SLC39A6: variants seen among roughly 807,000 people sequenced by gnomAD.
The protein encoded by SLC39A6 is solute carrier family 39 member 6.
Under a neutral mutation model 63.5 loss-of-function variants are expected in SLC39A6, and 51 were observed. The ratio of observed to expected loss-of-function variants is 0.80; its 90% confidence interval spans 0.64 to 1.01. The LOEUF is 1.01. Among genes scored for constraint, SLC39A6 ranks in the 50% least tolerant of loss-of-function variants. SLC39A6 has a pLI of 0.00. For synonymous variants in SLC39A6, 318 were observed against 324.7 expected (o/e 0.98, Z 0.22); for missense variants, 805 against 927.8 (o/e 0.87, Z 1.72).
Position 36,124,791 on chromosome 18 carries a change from G to A in SLC39A6, c.790-91C>T, listed in dbSNP as rs75182434. On this transcript the variant is annotated intron_variant, in intron 2 of 9. Coordinates refer to ENST00000269187, the MANE Select transcript of SLC39A6 (RefSeq NM_012319.4). ...TACCCTTTTTTACTAATGCTACTTC[G>A]TTTTCTCGAGTTAATGAAAATTAAA... The A allele has an allele frequency of 7.3e-4, 721 of 992,880 alleles. 4 individuals are homozygous for A. In the African/African-American group the frequency reaches 0.01, roughly 14 times the overall value. The allele number at this position is 992,880 out of a possible 1,614,324, so 61.5% of individuals were successfully genotyped here.
At chr18:36,116,062 T>C (rs1052007147) in intron 6 of SLC39A6, among the ~76,000 whole-genome samples, 8 of 152,196 alleles carry the variant, frequency 5.3e-5, no homozygotes, top group African/African-American at 7.2e-5. Flanking sequence ...AATGCAATAT[T>C]TGATCCTGAA....
chr18:36,124,763 C>A (rs1280914304), intron 2 of SLC39A6, 63 bp from the exon 3 acceptor site: 1 of 1,225,088 alleles, frequency 8.2e-7, no homozygotes, highest in South Asian at 2.0e-5. Flanking sequence ...TCTGATGACA[C>A]AATACCCTTT....
In SLC39A6 at chr18:36,123,582, C is replaced by A. The variant is rs1598711908; in HGVS notation, c.1053G>T (p.Arg351=). ...LGVILVPLMN[R]VFFKFLLSFL... ...AACTCAGGAGAAATTTGAAAAACAC[C>A]CGATTCATGAGAGGCACTAAGATAA... Residue 351 remains arginine (R), a synonymous_variant, in exon 4 of 10, where the codon CGG becomes CGT. Coordinates refer to ENST00000269187, the MANE Select transcript of SLC39A6 (RefSeq NM_012319.4). The A allele has an allele frequency of 6.2e-7, 1 of 1,613,648 alleles. No individual in the cohort carries two copies. The highest frequency in any genetic ancestry group is 1.1e-5 in the South Asian group (1 of 91,016).
At chr18:36,115,441 C>CA (rs78156263) in intron 6 of SLC39A6, among the ~76,000 whole-genome samples, 10,799 of 100,110 alleles carry the variant, frequency 0.11, 483 homozygotes, top group Middle Eastern at 0.12. Context: ...GACTCCGTCT[C>CA]AAAAAAAAAA....
At chr18:36,118,022 C>T (rs1464321295) in intron 5 of SLC39A6, among the ~76,000 whole-genome samples, 4 of 148,474 alleles carry the variant, frequency 2.7e-5, no homozygotes, top group Admixed American at 2.0e-4. Context: ...CAGAGTGAGA[C>T]TCCATCTCAA....
Position 36,124,678 on chromosome 18 carries a change from A to G in SLC39A6, c.812T>C (p.Leu271Pro). Residue 271 changes from leucine (L) to proline (P), a missense_variant, in exon 3 of 10, where the codon CTG becomes CCG. Transcript: ENST00000269187. Reference protein sequence around the residue: ...PQECFNASKLLTSHGMGIQVP... With the variant: ...PQECFNASKLPTSHGMGIQVP... ...CTGGATGCCCATGCCATGAGATGTC[A>G]GTAGCTTTGATGCATTGAAACACTG... 6.4e-7 allele frequency: 1 copy of G among 1,559,332 alleles called. No homozygotes were observed. Among genetic ancestry groups the G allele is most frequent in the East Asian group, 2.3e-5 (1 of 44,042 alleles).
intron 7 of SLC39A6, among the ~76,000 whole-genome samples, chr18:36,113,696 T>C (rs929058798): frequency 1.3e-5 from 2 of 152,246 alleles, no homozygotes; most frequent in East Asian, 3.8e-4. Flanking sequence ...GACTTAGATG[T>C]ATGAAGATTC....
intron 4 of SLC39A6, among the ~76,000 whole-genome samples, chr18:36,122,702 C>T (rs1478256774): frequency 6.6e-6 from 1 of 152,180 alleles, no homozygotes; most frequent in Non-Finnish European, 1.5e-5. Context: ...GGTGCACTGC[C>T]CTAGCAGCCT....
In SLC39A6 at chr18:36,126,514, C is replaced by T; in HGVS notation, c.494G>A (p.Gly165Glu). The T allele has an allele frequency of 6.2e-7, 1 of 1,614,240 alleles. No homozygotes were observed. The highest frequency in any genetic ancestry group is 8.5e-7 in the Non-Finnish European group (1 of 1,180,036). Residue 165 changes from glycine (G) to glutamate (E), a missense_variant, in exon 2 of 10, where the codon GGA becomes GAA. Around this residue, in one of 4 missense-constraint regions of SLC39A6, gnomAD observed 639 missense variants for 644.0 expected, o/e 0.99. Coordinates refer to ENST00000269187, the MANE Select transcript of SLC39A6 (RefSeq NM_012319.4). The stretch of plus-strand genomic sequence containing the variant: ...ACTGGCATGTTCTGGTCGGTGAGCT[C>T]CTTTCCCCTGGCTGTTTCTAGGATC... ...GKDPRNSQGK[G>E]AHRPEHASGR... is the part of the protein sequence containing the mutation.
Position 36,124,426 on chromosome 18 carries a change from T to C in SLC39A6, c.970+94A>G, listed in dbSNP as rs912419773. ...AACTAAGATGACATATTCAGAATTG[T>C]ACTGGAAAACAAATAGGCTGATGCA... On this transcript the variant is annotated intron_variant, in intron 3 of 9. Transcript: ENST00000269187. 9 of 746,226 alleles carry C rather than the reference T, an allele frequency of 1.2e-5. No homozygotes were observed. In the African/African-American group the frequency reaches 1.4e-4, roughly 11 times the overall value. 46.2% of individuals were successfully genotyped at this position (746,226 alleles called of 1,614,324 possible).
chr18:36,114,148 T>C lies in SLC39A6; in HGVS notation c.1792A>G (p.Met598Val). 6.2e-7 allele frequency: 1 copy of C among 1,613,982 alleles called. No homozygotes were observed. Among genetic ancestry groups the C allele is most frequent in the Non-Finnish European group, 8.5e-7 (1 of 1,179,924 alleles). ...TGCAGGCCATCACCCATTATCACCA[T>C]CCAGGCCAGAGTGGCGACGCCGGCA... is the stretch of plus-strand genomic sequence containing the variant. ...KDAGVATLAW[M>V]VIMGDGLHNF... Residue 598 changes from methionine (M) to valine (V), a missense_variant, in exon 7 of 10, where the codon ATG becomes GTG. Physicochemically the swap from Met to Val is conservative, Grantham distance 21 (BLOSUM62 1). Coordinates refer to ENST00000269187, the MANE Select transcript of SLC39A6 (RefSeq NM_012319.4).
Position 36,126,474 on chromosome 18 carries a change from G to A in SLC39A6, c.534C>T (p.Val178=), listed in dbSNP as rs2089438413. 1 of 1,614,240 alleles carries A rather than the reference G, an allele frequency of 6.2e-7. No homozygotes were observed. The highest frequency in any genetic ancestry group is 8.5e-7 in the Non-Finnish European group (1 of 1,180,050). The change falls in exon 2 of 10, where the codon GTC becomes GTT. Residue 178 remains valine (V), a synonymous_variant. Coordinates refer to ENST00000269187, the MANE Select transcript of SLC39A6 (RefSeq NM_012319.4). ...RPEHASGRRN[V]KDSVSASEVT... is the part of the protein sequence containing the mutation. ...CTTCACTAGCACTAACACTGTCCTTGACATTCCTTCTACCACTGGCATGTT... is the reference window on the plus strand; with the variant it reads ...CTTCACTAGCACTAACACTGTCCTTAACATTCCTTCTACCACTGGCATGTT...
intron 3 of SLC39A6, among the ~76,000 whole-genome samples, chr18:36,123,933 G>GA (rs988069373): frequency 4.7e-5 from 7 of 148,722 alleles, no homozygotes; most frequent in African/African-American, 1.2e-4. Flanking sequence ...GGTGAAAGAG[G>GA]AAAAAAAAAT....
Position 36,109,462 on chromosome 18 carries a change from G to A in SLC39A6, c.*131C>T. 1.6e-6 allele frequency: 1 copy of A among 638,550 alleles called. No individual in the cohort carries two copies. Among genetic ancestry groups the A allele is most frequent in the South Asian group, 2.5e-5 (1 of 39,598 alleles). The allele number at this position is 638,550 out of a possible 1,614,324, so 39.6% of individuals were successfully genotyped here. ...CCTTTAACTGACTTTGTAACAGACA[G>A]CAATATTCAATACAAAAATCACAAA... On this transcript the variant is annotated 3_prime_UTR_variant, in exon 10 of 10. Coordinates refer to ENST00000269187, the MANE Select transcript of SLC39A6 (RefSeq NM_012319.4).
In SLC39A6 at chr18:36,119,877, CTCTTAAAAAAAGATACTGTTT is replaced by C. The variant is rs549146267; in HGVS notation, c.1359+2154_1359+2174del. 1.8e-3 allele frequency among the ~76,000 whole-genome samples: 271 copies of C among 150,322 alleles called. 1 individual carries two copies. The highest frequency in any genetic ancestry group is 6.3e-3 in the African/African-American group (256 of 40,882). On this transcript the variant is annotated intron_variant, in intron 5 of 9. Coordinates refer to ENST00000269187, the MANE Select transcript of SLC39A6 (RefSeq NM_012319.4). ...CCTGGGCAACAGAGGAAGATGCTGT[CTCTTAAAAAAAGATACTGTTT>C]TCTTAAAAAAAGAAAAAAAAAGAAA... is the stretch of plus-strand genomic sequence containing the variant.
intron 8 of SLC39A6, among the ~76,000 whole-genome samples, chr18:36,111,673 C>T (rs1231024380): frequency 6.6e-6 from 1 of 152,008 alleles, no homozygotes; most frequent in East Asian, 1.9e-4. Context: ...TTAGTAGAGA[C>T]GGGGTTTCAC....
At chr18:36,116,309 AGT>A (rs1038498154) in intron 6 of SLC39A6, among the ~76,000 whole-genome samples, 2 of 152,194 alleles carry the variant, frequency 1.3e-5, no homozygotes, top group African/African-American at 4.8e-5. Flanking sequence ...TTAGAAAAAA[AGT>A]GTGTGTAGCT....
rs776878717 is a variant in SLC39A6, at chr18:36,116,656, T to G, written c.1465+18A>C. 6.5e-7 allele frequency: 1 copy of G among 1,536,804 alleles called. No individual in the cohort carries two copies. The highest frequency in any genetic ancestry group is 2.2e-5 in the East Asian group (1 of 44,468). ...AATGAACTCCCTCCAGCCCTAAAAT[T>G]TATGCATAAGAACTTACGATCATCT... On this transcript the variant is annotated intron_variant, in intron 6 of 9. Transcript: ENST00000269187.
chr18:36,113,215 C>A (rs1007454952), intron 7 of SLC39A6, among the ~76,000 whole-genome samples: 2 of 152,050 alleles, frequency 1.3e-5, no homozygotes, highest in Non-Finnish European at 2.9e-5. Context: ...CTACCTCAGC[C>A]TACCAGGCAG....
Sources: allele counts gnomAD v4.1 joint callset (sites outside exome capture counted in the v4.1 genomes callset), GRCh38; gene constraint gnomAD v4.1.1; regional missense constraint gnomAD v4.1.1; transcripts MANE v1.5; gene names NCBI Gene and HGNC (gene_info 2026-07-23, HGNC 2026-07-21).